Variants in TTI1 observed in about 807,000 individuals in gnomAD.
TTI1 encodes TELO2-interacting protein 1 homolog.
Under a neutral mutation model 85.4 loss-of-function variants are expected in TTI1, and 52 were observed. That is an observed-to-expected ratio of 0.61 (90% CI 0.49 to 0.77). TTI1 has a LOEUF of 0.77. TTI1 is among the 30% of genes least tolerant of loss of function. TTI1 has a pLI of 0.00. For missense variants in TTI1, 1,173 were observed against 1,296.0 expected (o/e 0.91, Z 1.46); for synonymous variants, 512 against 503.9 (o/e 1.02, Z -0.22).
At chr20:38,032,339 G>A (rs1324190121) in intron 1 of TTI1, among the ~76,000 whole-genome samples, 1 of 152,214 alleles carries the variant, frequency 6.6e-6, no homozygotes, top group African/African-American at 2.4e-5. Context: ...TGTAAGCAAA[G>A]AACTGCAATA....
intron 1 of TTI1, among the ~76,000 whole-genome samples, chr20:38,022,252 A>G (rs1219968018): frequency 2.0e-5 from 3 of 151,984 alleles, no homozygotes; most frequent in Admixed American, 2.0e-4. Flanking sequence ...CTCCTTTACC[A>G]CTTTCAGGGC....
At chr20:38,019,859 G>A (rs1440952761) in intron 1 of TTI1, among the ~76,000 whole-genome samples, 1 of 152,188 alleles carries the variant, frequency 6.6e-6, no homozygotes, top group South Asian at 2.1e-4. Flanking sequence ...TCTATCTGCT[G>A]CTAGTAGCAC....
At chr20:38,016,105 C>T (rs985626938) in intron 1 of TTI1, among the ~76,000 whole-genome samples, 5 of 152,192 alleles carry the variant, frequency 3.3e-5, no homozygotes, top group Non-Finnish European at 7.3e-5. Flanking sequence ...TGCTAGAAGA[C>T]AGTGGAATAG....
chr20:37,998,305 CAT>C (rs1047815397), intron 5 of TTI1, among the ~76,000 whole-genome samples: 3 of 152,042 alleles, frequency 2.0e-5, no homozygotes, highest in Admixed American at 6.6e-5. Flanking sequence ...GGGAAAAAAA[CAT>C]TAACAATTTT....
At chr20:38,014,335 C>T (rs1377508523) in intron 1 of TTI1, among the ~76,000 whole-genome samples, 3 of 152,118 alleles carry the variant, frequency 2.0e-5, no homozygotes, top group Non-Finnish European at 4.4e-5. Context: ...TAACCACTTC[C>T]CGAAGTAAGA....
At position 37,983,559 on chromosome 20, in the gene TTI1, GTGAAC is replaced by G; in HGVS notation, c.3162_3166del (p.Gln1054HisfsTer62). 6 of 1,609,028 alleles carry G rather than the reference GTGAAC, an allele frequency of 3.7e-6. No homozygotes were observed. The highest frequency in any genetic ancestry group is 5.1e-6 in the Non-Finnish European group (6 of 1,177,926). On this transcript the variant is annotated frameshift_variant, in exon 8 of 8. Transcript: ENST00000373447. LOFTEE classifies it low-confidence loss of function (END_TRUNC). ...AGGGTGGAGGCTGGGGTGGGGAGGT[GTGAAC>G]TGCACGGGGCAGTAAAGCTCGTTCA...
chr20:37,998,025 G>T (rs2073367766), intron 5 of TTI1, among the ~76,000 whole-genome samples: 1 of 152,148 alleles, frequency 6.6e-6, no homozygotes, highest in South Asian at 2.1e-4. Flanking sequence ...TGAAGCCCGA[G>T]TTCAAGCAAT....
Position 37,983,636 on chromosome 20 carries a change from G to C in TTI1, c.3090C>G (p.Val1030=). The C allele has an allele frequency of 6.6e-7, 1 of 1,523,330 alleles. No individual in the cohort carries two copies. The highest frequency in any genetic ancestry group is 1.8e-4 in the Middle Eastern group (1 of 5,654). 94.4% of individuals were successfully genotyped at this position (1,523,330 alleles called of 1,614,324 possible). The part of the protein sequence containing the change: ...PVKLQEAARS[V]FLHLMKVDPD... ...GGTCCACCTTCATCAAGTGGAGGAA[G>C]ACGCTGTGGAGAGATGGAAAGGAGT... The change falls in exon 8 of 8, where the codon GTC becomes GTG. Residue 1030 remains valine (V), a synonymous_variant. Coordinates refer to ENST00000373447, the MANE Select transcript of TTI1 (RefSeq NM_001303457.2).
At position 38,021,946 on chromosome 20, in the gene TTI1, G is replaced by A. The variant is rs145254669; in HGVS notation, c.-41-8089C>T. On this transcript the variant is annotated intron_variant, in intron 1 of 7. Transcript: ENST00000373447. ...CAATCAAGAAGTGAAAAAGGGAGGGGAAAAAGTGCAAAAGGAATTTGGAAA... is the reference window on the plus strand; with the variant it reads ...CAATCAAGAAGTGAAAAAGGGAGGGAAAAAAGTGCAAAAGGAATTTGGAAA... Among the ~76,000 whole-genome samples, 1,054 of 152,286 alleles carry A rather than the reference G, an allele frequency of 6.9e-3. 5 individuals are homozygous for A. Among genetic ancestry groups the A allele is most frequent in the African/African-American group, 0.02 (836 of 41,538 alleles).
Position 38,012,569 on chromosome 20 carries a change from G to C in TTI1, c.1248C>G (p.Asn416Lys). The stretch of plus-strand genomic sequence containing the variant: ...GATGGGCCACAGAGTTGAGGACAAA[G>C]TTTATTTTTGGGCCCAAGAGTTTCA... ...GYLKLLGPKI[N>K]FVLNSVAHLQ... The change falls in exon 2 of 8, where the codon AAC becomes AAG. Residue 416 changes from asparagine (N) to lysine (K), a missense_variant. Physicochemically the swap from Asn to Lys is moderately conservative, Grantham distance 94. Transcript: ENST00000373447. 6.2e-7 allele frequency: 1 copy of C among 1,614,174 alleles called. No individual in the cohort carries two copies. The highest frequency in any genetic ancestry group is 8.5e-7 in the Non-Finnish European group (1 of 1,180,044).
intron 7 of TTI1, 91 bp downstream of exon 7, chr20:37,996,284 G>C (rs1600612657): frequency 1.5e-6 from 2 of 1,320,624 alleles, no homozygotes; most frequent in Admixed American, 3.6e-5. Context: ...ACAGAGAAAA[G>C]AGCAGAGATG....
rs140485066 is a variant in TTI1, at chr20:38,027,929, A to G, written c.-42+5475T>C. On this transcript the variant is annotated intron_variant, in intron 1 of 7. Transcript: ENST00000373447. The stretch of plus-strand genomic sequence containing the variant: ...ACAGAGCGAGGCTCCATCTCAAAAA[A>G]AAAGAAAGAAAGAAAAGAAAATCAC... Among the ~76,000 whole-genome samples the G allele has an allele frequency of 6.9e-3, 1,056 of 152,350 alleles. 5 individuals carry two copies. Among genetic ancestry groups the G allele is most frequent in the African/African-American group, 0.02 (839 of 41,592 alleles).
At chr20:38,032,800 C>A (rs1249663192) in intron 1 of TTI1, among the ~76,000 whole-genome samples, 1 of 152,168 alleles carries the variant, frequency 6.6e-6, no homozygotes, top group Admixed American at 6.5e-5. Flanking sequence ...TCGCCTCGGC[C>A]TCCCAAAGGG....
At chr20:37,983,677 A>G (rs771115503) in intron 7 of TTI1, 38 bp from the exon 8 acceptor site, 1 of 1,451,636 alleles carries the variant, frequency 6.9e-7, no homozygotes, top group Admixed American at 2.7e-5. Flanking sequence ...GAGGGTACAG[A>G]GAGGGAAGGC....
rs751257232 is a variant in TTI1, at chr20:38,006,205, T to C, written c.2495A>G (p.Asn832Ser). 1.9e-6 allele frequency: 3 copies of C among 1,614,072 alleles called. No individual in the cohort carries two copies. The highest frequency in any genetic ancestry group is 2.7e-5 in the African/African-American group (2 of 74,938). Residue 832 changes from asparagine to serine, a missense_variant, in exon 3 of 8, where the codon AAT (asparagine) becomes AGT (serine). By Grantham distance (46) the Asn-to-Ser change is conservative. Coordinates refer to ENST00000373447, the MANE Select transcript of TTI1 (RefSeq NM_001303457.2). ...VADGNVSDFD[N>S]EEEEQSVPPK... The stretch of plus-strand genomic sequence containing the variant: ...CAAAATAAACAAGTTACCTTCTTCA[T>C]TATCAAAATCCGAGACATTTCCATC...
chr20:38,032,390 GTCTCCTAAACT>G (rs778977428), intron 1 of TTI1, among the ~76,000 whole-genome samples: 10 of 152,168 alleles, frequency 6.6e-5, no homozygotes, highest in Non-Finnish European at 1.0e-4. Context: ...CTAGAAGAAC[GTCTCCTAAACT>G]AGAGTCTGCC....
intron 7 of TTI1, chr20:37,987,104 A>AACC (rs980522096): frequency 4.4e-6 from 2 of 452,560 alleles, no homozygotes; most frequent in African/African-American, 4.0e-5. Context: ...ACAAATTCCA[A>AACC]ACCGCACCCT....
At chr20:38,017,093 C>T (rs557710069) in intron 1 of TTI1, among the ~76,000 whole-genome samples, 22 of 152,164 alleles carry the variant, frequency 1.4e-4, no homozygotes, top group Non-Finnish European at 3.1e-4. Context: ...CAGTATTTGG[C>T]ATGCTGTATT....
intron 7 of TTI1, among the ~76,000 whole-genome samples, chr20:37,985,328 G>C (rs1044990797): frequency 6.6e-6 from 1 of 152,098 alleles, no homozygotes; most frequent in South Asian, 2.1e-4. Flanking sequence ...CATACTGCTG[G>C]GCATTAAATA....
Sources: gnomAD v4.1 joint callset for allele counts (sites outside exome capture counted in the v4.1 genomes callset) on GRCh38, gnomAD v4.1.1 for gene constraint, MANE v1.5 for transcripts, NCBI Gene and HGNC (gene_info 2026-07-23, HGNC 2026-07-21) for gene names.